Variants in HSD17B2 observed in about 807,000 individuals in gnomAD.
The protein encoded by HSD17B2 is 17-beta-hydroxysteroid dehydrogenase type 2.
HSD17B2 carries 32 observed loss-of-function variants against 26.9 expected under a neutral mutation model. The ratio of observed to expected loss-of-function variants is 1.19; its 90% CI spans 0.90 to 1.60. The LOEUF is 1.60. Ranked by LOEUF, HSD17B2 falls within the 40% of genes most tolerant of loss-of-function variation. The pLI is 0.00. For missense variants in HSD17B2, 613 were observed against 468.6 expected (o/e 1.31, Z -2.85); for synonymous variants, 246 against 186.7 (o/e 1.32, Z -2.59).
intron 1 of HSD17B2, among the ~76,000 whole-genome samples, chr16:82,039,904 G>A (rs866230966): frequency 2.7e-4 from 41 of 152,222 alleles, no homozygotes; most frequent in African/African-American, 9.4e-4. Flanking sequence ...TTCCCAAAGC[G>A]GATCCCAGGC....
chr16:82,082,655 A>C (rs1288382521), intron 3 of HSD17B2, among the ~76,000 whole-genome samples: 1 of 152,180 alleles, frequency 6.6e-6, no homozygotes, highest in African/African-American at 2.4e-5. Flanking sequence ...GTTCCTGAGG[A>C]TAATACTAGA....
At chr16:82,047,847 GA>G (rs1913982523) in intron 1 of HSD17B2, among the ~76,000 whole-genome samples, 1 of 152,188 alleles carries the variant, frequency 6.6e-6, no homozygotes, top group African/African-American at 2.4e-5. Context: ...TGGCCCCAGT[GA>G]AAAACATGGT....
At chr16:82,076,425 G>A (rs1904302688) in intron 3 of HSD17B2, among the ~76,000 whole-genome samples, 1 of 152,122 alleles carries the variant, frequency 6.6e-6, no homozygotes, top group South Asian at 2.1e-4. Flanking sequence ...GAACATTCAA[G>A]CTGGAAAGGA....
At chr16:82,053,980 C>A (rs1279148390) in intron 1 of HSD17B2, among the ~76,000 whole-genome samples, 1 of 152,158 alleles carries the variant, frequency 6.6e-6, no homozygotes, top group African/African-American at 2.4e-5. Flanking sequence ...TCACCATGCT[C>A]ATTAAGTCAA....
At chr16:82,060,619 T>C (rs1914408830) in intron 1 of HSD17B2, among the ~76,000 whole-genome samples, 1 of 152,236 alleles carries the variant, frequency 6.6e-6, no homozygotes, top group Non-Finnish European at 1.5e-5. Flanking sequence ...TCAGATCACA[T>C]CCTTTTACTG....
At chr16:82,074,001 G>C (rs1914756767) in intron 3 of HSD17B2, among the ~76,000 whole-genome samples, 1 of 144,916 alleles carries the variant, frequency 6.9e-6, no homozygotes, top group African/African-American at 2.9e-5. Context: ...TACAAAAGCA[G>C]ATACAAAGGT....
At chr16:82,066,960 T>G (rs1249026288) in intron 1 of HSD17B2, among the ~76,000 whole-genome samples, 1 of 152,268 alleles carries the variant, frequency 6.6e-6, no homozygotes, top group African/African-American at 2.4e-5. Context: ...TGCCTGCAAG[T>G]ATTTCTCTAG....
At position 82,035,563 on chromosome 16, in the gene HSD17B2, G is replaced by T; in HGVS notation, c.139G>T (p.Val47Phe). ...GGTCTGCCTGGCAGGCCTCTGTGCA[G>T]TCTGCCTGCTCATCCTGTCCCCTTT... ...WMVCLAGLCAVCLLILSPFWG... is the reference protein window; with the variant it reads ...WMVCLAGLCAFCLLILSPFWG... Residue 47 changes from valine (V) to phenylalanine (F), a missense_variant, in exon 1 of 5, where the codon GTC becomes TTC. Coordinates refer to ENST00000199936, the MANE Select transcript of HSD17B2 (RefSeq NM_002153.3). 1 of 1,614,080 alleles carries T rather than the reference G, an allele frequency of 6.2e-7. No homozygotes were observed. The highest frequency in any genetic ancestry group is 1.1e-5 in the South Asian group (1 of 91,078).
At chr16:82,070,842 G>A (rs761023596) in intron 2 of HSD17B2, 100 bp from the exon 3 acceptor site, 4 of 1,118,356 alleles carry the variant, frequency 3.6e-6, no homozygotes, top group Non-Finnish European at 5.2e-6. Flanking sequence ...AGGAGACCTG[G>A]CTCACACGTA....
chr16:82,098,330 A>G lies in HSD17B2; in HGVS notation c.1058A>G (p.Tyr353Cys). Residue 353 changes from tyrosine (Y) to cysteine (C), a missense_variant, in exon 5 of 5, where the codon TAT becomes TGT. Transcript: ENST00000199936. ...GAYLWICLAH[Y>C]LPIGIYDYFA... is the part of the protein sequence containing the mutation. Reference sequence around the variant, plus strand: ...TACTTGTGGATCTGCCTTGCTCACTATTTGCCTATTGGCATATATGATTAC... The same window carrying G: ...TACTTGTGGATCTGCCTTGCTCACTGTTTGCCTATTGGCATATATGATTAC... The G allele has an allele frequency of 6.2e-7, 1 of 1,614,170 alleles. No homozygotes were observed. The highest frequency in any genetic ancestry group is 8.5e-7 in the Non-Finnish European group (1 of 1,180,016).
intron 4 of HSD17B2, chr16:82,091,696 T>G (rs1012086579): frequency 9.1e-5 from 14 of 153,232 alleles, no homozygotes; most frequent in Admixed American, 3.3e-4. Context: ...TGCTGGAGTT[T>G]CGTTAAGTCT....
intron 1 of HSD17B2, among the ~76,000 whole-genome samples, chr16:82,059,334 T>G (rs1914365130): frequency 6.6e-6 from 1 of 152,188 alleles, no homozygotes; most frequent in African/African-American, 2.4e-5. Context: ...CAACCAAAAA[T>G]GTTTCCAGAC....
At chr16:82,087,418 C>T (rs1421406868) in intron 3 of HSD17B2, among the ~76,000 whole-genome samples, 1 of 152,102 alleles carries the variant, frequency 6.6e-6, no homozygotes, top group Non-Finnish European at 1.5e-5. Context: ...ACTTTGGACA[C>T]CTATATTTAT....
intron 1 of HSD17B2, among the ~76,000 whole-genome samples, chr16:82,059,911 G>C (rs867797756): frequency 6.6e-6 from 1 of 152,024 alleles, no homozygotes; most frequent in Non-Finnish European, 1.5e-5. Context: ...AAATGCATTT[G>C]TTTCCATTAA....
intron 3 of HSD17B2, among the ~76,000 whole-genome samples, chr16:82,075,419 T>C (rs1904295645): frequency 6.6e-6 from 1 of 151,934 alleles, no homozygotes; most frequent in South Asian, 2.1e-4. Flanking sequence ...AAAAGTTGGT[T>C]TCTGGAAAAG....
At chr16:82,048,982 A>C (rs184862050) in intron 1 of HSD17B2, among the ~76,000 whole-genome samples, 2 of 152,322 alleles carry the variant, frequency 1.3e-5, no homozygotes, top group East Asian at 1.9e-4. Flanking sequence ...CAGAGAACGC[A>C]TTATGATGAA....
chr16:82,098,043 G>C, intron 4 of HSD17B2, 32 bp from the exon 5 acceptor site: 4 of 1,583,318 alleles, frequency 2.5e-6, no homozygotes, highest in Non-Finnish European at 3.4e-6. Context: ...GGCCTTCCCA[G>C]GATCTGACTC....
chr16:82,045,121 CAAAAAAAAAA>C (rs10565056), intron 1 of HSD17B2, among the ~76,000 whole-genome samples: 33 of 42,798 alleles, frequency 7.7e-4, no homozygotes, highest in Middle Eastern at 0.014. Context: ...AAACTCTGTC[CAAAAAAAAAA>C]AAAAAAAAAA....
chr16:82,087,987 G>A (rs984397237), intron 3 of HSD17B2, among the ~76,000 whole-genome samples: 1 of 152,292 alleles, frequency 6.6e-6, no homozygotes, highest in African/African-American at 2.4e-5. Flanking sequence ...TGGGGATTAA[G>A]TTTCAACATA....
Sources: gnomAD v4.1 joint callset for allele counts (sites outside exome capture counted in the v4.1 genomes callset) on GRCh38, gnomAD v4.1.1 for gene constraint, MANE v1.5 for transcripts, NCBI Gene and HGNC (gene_info 2026-07-23, HGNC 2026-07-21) for gene names.